MIPOL1: variants seen among roughly 807,000 people sequenced by gnomAD.
MIPOL1 encodes the protein mirror-image polydactyly 1.
Under a neutral mutation model 60.9 loss-of-function variants are expected in MIPOL1, and 57 were observed. That is an observed-to-expected ratio of 0.94 (90% CI 0.76 to 1.17). MIPOL1 has a LOEUF of 1.17. MIPOL1 is among the 50% of genes most tolerant of loss of function. The probability of loss-of-function intolerance (pLI) is 0.00; values close to 1 mark genes in which losing one functional copy is unlikely to be tolerated. For synonymous variants in MIPOL1, 179 were observed against 168.8 expected (o/e 1.06, Z -0.47); for missense variants, 551 against 511.6 (o/e 1.08, Z -0.74).
At chr14:37,305,446 G>A (rs1443170721) in intron 7 of MIPOL1, among the ~76,000 whole-genome samples, 1 of 151,778 alleles carries the variant, frequency 6.6e-6, no homozygotes, top group Non-Finnish European at 1.5e-5. Context: ...CACTTATTGT[G>A]TATGGCTGCT....
chr14:37,223,013 T>A (rs1396742467), intron 1 of MIPOL1, among the ~76,000 whole-genome samples: 1 of 152,140 alleles, frequency 6.6e-6, no homozygotes, highest in African/African-American at 2.4e-5. Context: ...AGGGTGAAAG[T>A]GAGACAGAGA....
At chr14:37,475,810 T>C (rs2094764047) in intron 11 of MIPOL1, among the ~76,000 whole-genome samples, 2 of 152,238 alleles carry the variant, frequency 1.3e-5, no homozygotes, top group Admixed American at 6.5e-5. Context: ...AACACAATGC[T>C]GTCTTGATTA....
At position 37,548,096 on chromosome 14, in the gene MIPOL1, G is replaced by A. The variant is rs1363581519; in HGVS notation, c.*1125G>A. ...AGACCAAGAGGAAATGACTGTGCCTGGAACAGGATGAAATAGACAAGTAGA... is the reference window on the plus strand; with the variant it reads ...AGACCAAGAGGAAATGACTGTGCCTAGAACAGGATGAAATAGACAAGTAGA... On this transcript the variant is annotated 3_prime_UTR_variant, in exon 13 of 13. Transcript: ENST00000684589. The A allele has an allele frequency of 6.6e-6, 1 of 151,974 alleles. No homozygotes were observed. The highest frequency in any genetic ancestry group is 1.5e-5 in the Non-Finnish European group (1 of 67,894). 9.4% of individuals were successfully genotyped at this position (151,974 alleles called of 1,614,324 possible). A position where few individuals can be genotyped will look rare whatever the true frequency, so the allele number is the denominator to read the frequency against.
chr14:37,486,756 A>G (rs1032636141), intron 11 of MIPOL1, among the ~76,000 whole-genome samples: 1 of 152,178 alleles, frequency 6.6e-6, no homozygotes, highest in African/African-American at 2.4e-5. Flanking sequence ...CTAAATATAC[A>G]ATCATGTCAT....
chr14:37,279,313 G>A (rs529892204), intron 6 of MIPOL1, among the ~76,000 whole-genome samples: 48 of 150,610 alleles, frequency 3.2e-4, no homozygotes, highest in African/African-American at 6.6e-4. Flanking sequence ...AGAAGCATGC[G>A]TATTTGCTTT....
intron 7 of MIPOL1, among the ~76,000 whole-genome samples, chr14:37,306,440 G>A (rs1444126887): frequency 6.6e-6 from 1 of 151,828 alleles, no homozygotes; most frequent in East Asian, 1.9e-4. Context: ...TAATTGTCCT[G>A]TATCTGTTCA....
chr14:37,416,465 G>A (rs2093771231), intron 10 of MIPOL1, among the ~76,000 whole-genome samples: 1 of 152,030 alleles, frequency 6.6e-6, no homozygotes, highest in Admixed American at 6.5e-5. Context: ...GTAGCCTATT[G>A]CTCCTAGGCT....
intron 10 of MIPOL1, among the ~76,000 whole-genome samples, chr14:37,380,973 G>T (rs542637377): frequency 6.6e-6 from 1 of 152,200 alleles, no homozygotes; most frequent in East Asian, 1.9e-4. Flanking sequence ...TTTGTATCCA[G>T]CATTTTCTCT....
At chr14:37,299,580 T>C (rs950245286) in intron 7 of MIPOL1, among the ~76,000 whole-genome samples, 2 of 152,144 alleles carry the variant, frequency 1.3e-5, no homozygotes, top group Non-Finnish European at 2.9e-5. Flanking sequence ...GTGCCATCTT[T>C]ACTTGGAATT....
At chr14:37,441,272 T>C (rs999988939) in intron 11 of MIPOL1, among the ~76,000 whole-genome samples, 1 of 152,200 alleles carries the variant, frequency 6.6e-6, no homozygotes, top group African/African-American at 2.4e-5. Context: ...TTGTTGTTGT[T>C]GTTTGTGCTT....
chr14:37,205,611 C>G (rs1430291785), intron 1 of MIPOL1, among the ~76,000 whole-genome samples: 1 of 151,988 alleles, frequency 6.6e-6, no homozygotes, highest in African/African-American at 2.4e-5. Flanking sequence ...AAATGCTGTC[C>G]CCCGCCAGCT....
At chr14:37,337,842 CTTT>C (rs2072581242) in intron 9 of MIPOL1, among the ~76,000 whole-genome samples, 2 of 151,888 alleles carry the variant, frequency 1.3e-5, no homozygotes, top group Admixed American at 1.3e-4. Flanking sequence ...TGTCTTTTCA[CTTT>C]CTTAATGATA....
intron 9 of MIPOL1, among the ~76,000 whole-genome samples, chr14:37,325,217 G>A (rs758529611): frequency 1.3e-5 from 2 of 152,008 alleles, no homozygotes; most frequent in Non-Finnish European, 2.9e-5. Flanking sequence ...AATTAATAAT[G>A]CGCTACATGG....
intron 12 of MIPOL1, among the ~76,000 whole-genome samples, chr14:37,515,156 C>T (rs2095359626): frequency 6.6e-6 from 1 of 152,058 alleles, no homozygotes; most frequent in Non-Finnish European, 1.5e-5. Context: ...TGATCATTTA[C>T]ATTTAAGGAG....
chr14:37,273,753 G>A (rs868201057), intron 6 of MIPOL1, among the ~76,000 whole-genome samples: 9 of 151,140 alleles, frequency 6.0e-5, no homozygotes, highest in Admixed American at 2.6e-4. Context: ...ATTCTCTACC[G>A]TTGGGCACGT....
chr14:37,349,239 C>T (rs180860640), intron 9 of MIPOL1, among the ~76,000 whole-genome samples: 2 of 152,138 alleles, frequency 1.3e-5, no homozygotes, highest in African/African-American at 2.4e-5. Context: ...CCACCCACCT[C>T]GGCCTCCCAA....
chr14:37,383,096 C>G (rs1453225262), intron 10 of MIPOL1, among the ~76,000 whole-genome samples: 1 of 151,606 alleles, frequency 6.6e-6, no homozygotes, highest in Non-Finnish European at 1.5e-5. Context: ...AACTTTGAAT[C>G]GTGTACAACC....
intron 11 of MIPOL1, among the ~76,000 whole-genome samples, chr14:37,438,855 C>T (rs1367141219): frequency 1.3e-5 from 2 of 152,158 alleles, no homozygotes; most frequent in Non-Finnish European, 1.5e-5. Flanking sequence ...AAATACTGTG[C>T]CTAACAGCAA....
rs77115944 is a variant in MIPOL1, at chr14:37,394,239, A to C, written c.936+24615A>C. Among the ~76,000 whole-genome samples, 25 of 151,206 alleles carry C rather than the reference A, an allele frequency of 1.7e-4. 1 individual carries two copies. The East Asian group carries it at 4.7e-3, about 29-fold the overall frequency. ...TGCTATGAACATGCGTATACAAGTA[A>C]ATTTTTCATATAACTTCTTTTTCTC... is the stretch of plus-strand genomic sequence containing the variant. On this transcript the variant is annotated intron_variant, in intron 10 of 12. Transcript: ENST00000684589.
Sources: gnomAD v4.1 joint callset for allele counts (sites outside exome capture counted in the v4.1 genomes callset) on GRCh38, gnomAD v4.1.1 for gene constraint, MANE v1.5 for transcripts, NCBI Gene and HGNC (gene_info 2026-07-23, HGNC 2026-07-21) for gene names.